DENND1A: variants seen among roughly 807,000 people sequenced by gnomAD.
The protein encoded by DENND1A is DENN domain containing 1A, also known as DENN domain-containing protein 1A.
In DENND1A, 51 loss-of-function variants were observed where a neutral mutation model predicts 113.7. The ratio of observed to expected loss-of-function variants is 0.45; its 90% CI spans 0.36 to 0.57. The LOEUF (loss-of-function observed/expected upper bound fraction) is 0.57, where lower values mean the gene tolerates loss of function less well. DENND1A is among the 20% of genes least tolerant of loss of function. DENND1A has a pLI of 0.00. For synonymous variants in DENND1A, 565 were observed against 570.8 expected, an observed-to-expected ratio of 0.99 and a Z score of 0.14; for missense variants, 1,258 against 1,395.9, an observed-to-expected ratio of 0.90 and a Z score of 1.57.
intron 2 of DENND1A, among the ~76,000 whole-genome samples, chr9:123,811,850 G>A (rs1404707119): frequency 6.6e-6 from 1 of 152,166 alleles, no homozygotes; most frequent in Non-Finnish European, 1.5e-5. Context: ...AACTATAAAT[G>A]ACATGGAAAG....
chr9:123,539,156 A>G (rs2056085154), intron 13 of DENND1A, among the ~76,000 whole-genome samples: 1 of 152,148 alleles, frequency 6.6e-6, no homozygotes, highest in Non-Finnish European at 1.5e-5. Context: ...GATCACTAAA[A>G]CAGACAAAAC....
intron 1 of DENND1A, among the ~76,000 whole-genome samples, chr9:123,883,698 G>C (rs892392265): frequency 2.6e-5 from 4 of 151,942 alleles, no homozygotes; most frequent in South Asian, 2.1e-4. Flanking sequence ...AAATTTCAAA[G>C]AAAAAAGGCA....
At chr9:123,582,496 T>C (rs1478570008) in intron 12 of DENND1A, among the ~76,000 whole-genome samples, 3 of 150,612 alleles carry the variant, frequency 2.0e-5, no homozygotes, top group Non-Finnish European at 3.0e-5. Flanking sequence ...GCCTCCTGGG[T>C]TCAAGCAATT....
intron 5 of DENND1A, among the ~76,000 whole-genome samples, chr9:123,753,935 G>T (rs2070294041): frequency 6.6e-6 from 1 of 152,176 alleles, no homozygotes; most frequent in African/African-American, 2.4e-5. Context: ...CTGTTGAGTG[G>T]TTCACATGGA....
intron 10 of DENND1A, among the ~76,000 whole-genome samples, chr9:123,627,739 CAAAA>C (rs764341977): frequency 3.8e-4 from 22 of 57,796 alleles, no homozygotes; most frequent in Non-Finnish European, 5.9e-4. Context: ...AACTCTGTCT[CAAAA>C]AAAAAAAAAA....
At chr9:123,519,063 C>A (rs937175256) in intron 13 of DENND1A, among the ~76,000 whole-genome samples, 1 of 152,148 alleles carries the variant, frequency 6.6e-6, no homozygotes, top group Non-Finnish European at 1.5e-5. Context: ...GGCCGTGTTG[C>A]CTCCCTTCTC....
At chr9:123,867,585 G>A (rs554820121) in intron 2 of DENND1A, among the ~76,000 whole-genome samples, 9 of 152,254 alleles carry the variant, frequency 5.9e-5, no homozygotes, top group Admixed American at 2.0e-4. Context: ...CTTGATGGCT[G>A]CAGTAGACAT....
chr9:123,565,867 A>G (rs1244583358), intron 12 of DENND1A, among the ~76,000 whole-genome samples: 1 of 152,270 alleles, frequency 6.6e-6, no homozygotes, highest in Non-Finnish European at 1.5e-5. Context: ...CTTTCCCAGG[A>G]ATAGTTTCTG....
intron 13 of DENND1A, among the ~76,000 whole-genome samples, chr9:123,470,155 T>A (rs1332562516): frequency 6.6e-6 from 1 of 151,992 alleles, no homozygotes; most frequent in Non-Finnish European, 1.5e-5. Context: ...ACAATAGAGG[T>A]AATAGCTATG....
intron 4 of DENND1A, among the ~76,000 whole-genome samples, chr9:123,765,390 G>A (rs1431377644): frequency 6.6e-6 from 1 of 152,138 alleles, no homozygotes; most frequent in Non-Finnish European, 1.5e-5. Flanking sequence ...TTTATTACAG[G>A]AAAAGAACAT....
chr9:123,601,671 C>G (rs993213412), intron 11 of DENND1A, among the ~76,000 whole-genome samples: 20 of 152,316 alleles, frequency 1.3e-4, no homozygotes, highest in African/African-American at 4.8e-4. Flanking sequence ...ATACTACTAA[C>G]TAGGAAAATG....
intron 2 of DENND1A, among the ~76,000 whole-genome samples, chr9:123,809,819 C>A (rs993405298): frequency 6.6e-6 from 1 of 152,104 alleles, no homozygotes; most frequent in Non-Finnish European, 1.5e-5. Context: ...TACAGGCATG[C>A]ACCACCCTGC....
chr9:123,753,010 T>C (rs10818866), intron 5 of DENND1A, among the ~76,000 whole-genome samples: 10,510 of 152,248 alleles, frequency 0.069, 494 homozygotes, highest in African/African-American at 0.13. Context: ...GAGGAAATAA[T>C]GCATTTGATT....
intron 3 of DENND1A, among the ~76,000 whole-genome samples, chr9:123,782,077 AT>A (rs1253744533): frequency 9.9e-5 from 15 of 152,130 alleles, no homozygotes; most frequent in Non-Finnish European, 1.6e-4. Context: ...CTAAAAAAAA[AT>A]AATAATAAAA....
At chr9:123,560,799 A>C (rs1204805906) in intron 12 of DENND1A, among the ~76,000 whole-genome samples, 3 of 152,100 alleles carry the variant, frequency 2.0e-5, no homozygotes, top group African/African-American at 7.2e-5. Flanking sequence ...CTTTGGAAGC[A>C]GTTTGAAGTC....
At chr9:123,414,677 C>G (rs1251754209) in intron 19 of DENND1A, 3 of 1,490,728 alleles carry the variant, frequency 2.0e-6, no homozygotes, top group Admixed American at 4.3e-5. Context: ...TTAAAAAGTC[C>G]TATTTCCCAA....
chr9:123,520,150 A>C (rs2054275416), intron 13 of DENND1A, among the ~76,000 whole-genome samples: 8 of 138,838 alleles, frequency 5.8e-5, no homozygotes, highest in Non-Finnish European at 9.1e-5. Context: ...CCTGTCTCAA[A>C]AAAAAAAAAA....
chr9:123,671,348 A>G lies in DENND1A; in HGVS notation c.396T>C (p.Leu132=). 6.2e-7 allele frequency: 1 copy of G among 1,614,032 alleles called. No homozygotes were observed. Among genetic ancestry groups the G allele is most frequent in the Non-Finnish European group, 8.5e-7 (1 of 1,179,968 alleles). ...GGATGGGAAGTTTGTGCAGAGTTTCAAGAAGCTCATTCCACTGATTTTCCT... is the reference window on the plus strand; with the variant it reads ...GGATGGGAAGTTTGTGCAGAGTTTCGAGAAGCTCATTCCACTGATTTTCCT... ...KRQENQWNEL[L]ETLHKLPIPD... The change falls in exon 7 of 24, where the codon CTT becomes CTC. Residue 132 remains leucine (L), a synonymous_variant. Transcript: ENST00000394215.
At chr9:123,546,421 A>G (rs527825216) in intron 13 of DENND1A, among the ~76,000 whole-genome samples, 1,863 of 151,942 alleles carry the variant, frequency 0.012, 25 homozygotes, top group Non-Finnish European at 0.018. Flanking sequence ...GCGTGGTGGT[A>G]GGCGCCTGTA....
Sources: allele counts gnomAD v4.1 joint callset (sites outside exome capture counted in the v4.1 genomes callset), GRCh38; gene constraint gnomAD v4.1.1; transcripts MANE v1.5; gene names NCBI Gene and HGNC (gene_info 2026-07-23, HGNC 2026-07-21).